DNAH11: variants seen among roughly 807,000 people sequenced by gnomAD.
The protein encoded by DNAH11 is axonemal beta dynein heavy chain 11.
A neutral mutation model predicts 526.0 loss-of-function variants in DNAH11; 442 were observed. The observed-to-expected ratio is 0.84, with a 90% CI of 0.78 to 0.91. The LOEUF (loss-of-function observed/expected upper bound fraction) is 0.91, where lower values mean the gene tolerates loss of function less well. DNAH11 is among the 40% of genes least tolerant of loss of function. DNAH11 has a pLI of 0.00. For synonymous variants in DNAH11, 2,461 were observed against 1,935.9 expected, an observed-to-expected ratio of 1.27 and a Z score of -7.12; for missense variants, 6,989 against 5,448.7, an observed-to-expected ratio of 1.28 and a Z score of -8.90.
At chr7:21,712,350 A>G (rs1053865156) in intron 42 of DNAH11, among the ~76,000 whole-genome samples, 2 of 152,242 alleles carry the variant, frequency 1.3e-5, no homozygotes, top group African/African-American at 4.8e-5. Context: ...ATGGGTATAC[A>G]AATATCTCTT....
rs1193712251 is a variant in DNAH11, at chr7:21,605,202, C to G, written c.3649-1224C>G. Among the ~76,000 whole-genome samples, 3 of 152,326 alleles carry G rather than the reference C, an allele frequency of 2.0e-5. No individual in the cohort carries two copies. In the South Asian group the frequency reaches 6.2e-4, roughly 32 times the overall value. On this transcript the variant is annotated intron_variant, in intron 18 of 81. Coordinates refer to ENST00000409508, the MANE Select transcript of DNAH11 (RefSeq NM_001277115.2). ...TGCGTTTTTCCATAACTGGCAGTTA[C>G]TGAATCGTTCATCAAATATTTACTG...
At chr7:21,757,293 G>A (rs1289276797) in intron 54 of DNAH11, among the ~76,000 whole-genome samples, 2 of 152,118 alleles carry the variant, frequency 1.3e-5, no homozygotes, top group Non-Finnish European at 2.9e-5. Context: ...ATTTATTTAT[G>A]CAATGGGAAT....
At chr7:21,891,854 C>T (rs1032589475) in intron 76 of DNAH11, among the ~76,000 whole-genome samples, 1 of 152,072 alleles carries the variant, frequency 6.6e-6, no homozygotes, top group Non-Finnish European at 1.5e-5. Flanking sequence ...TACTTATATA[C>T]ACACACATTT....
chr7:21,710,239 A>G (rs527339766), intron 40 of DNAH11, among the ~76,000 whole-genome samples: 4 of 152,292 alleles, frequency 2.6e-5, no homozygotes, highest in Non-Finnish European at 5.9e-5. Context: ...AGTTGGTGTA[A>G]GTTTTGAGTT....
At chr7:21,691,167 A>ATTT (rs939874805) in intron 35 of DNAH11, among the ~76,000 whole-genome samples, 1 of 121,868 alleles carries the variant, frequency 8.2e-6, no homozygotes, top group East Asian at 2.7e-4. Flanking sequence ...ATCTTTCATA[A>ATTT]TTTTTTTTTT....
intron 62 of DNAH11, among the ~76,000 whole-genome samples, chr7:21,805,548 C>G (rs1378217376): frequency 6.6e-6 from 1 of 152,094 alleles, no homozygotes; most frequent in African/African-American, 2.4e-5. Context: ...AAAACTACTT[C>G]CATTTAAAGT....
chr7:21,663,190 A>G (rs1159136757), intron 30 of DNAH11, among the ~76,000 whole-genome samples: 9 of 152,182 alleles, frequency 5.9e-5, no homozygotes. Context: ...AGTCCATTGT[A>G]TATATATGTC....
intron 35 of DNAH11, among the ~76,000 whole-genome samples, chr7:21,692,083 G>A (rs1189580812): frequency 6.6e-6 from 1 of 152,022 alleles, no homozygotes; most frequent in African/African-American, 2.4e-5. Flanking sequence ...ACTTCATTCA[G>A]GTATCATTTT....
intron 70 of DNAH11, among the ~76,000 whole-genome samples, chr7:21,866,254 C>T (rs1783271632): frequency 6.6e-6 from 1 of 151,320 alleles, no homozygotes; most frequent in African/African-American, 2.4e-5. Context: ...GTTGGCCAAA[C>T]CCAACTAGGT....
At chr7:21,577,382 G>A (rs1784136281) in intron 8 of DNAH11, among the ~76,000 whole-genome samples, 1 of 152,162 alleles carries the variant, frequency 6.6e-6, no homozygotes. Context: ...CTGGGGTGAT[G>A]TCAGAGATGA....
At chr7:21,663,612 A>C (rs534461034) in intron 30 of DNAH11, among the ~76,000 whole-genome samples, 1 of 151,976 alleles carries the variant, frequency 6.6e-6, no homozygotes, top group African/African-American at 2.4e-5. Flanking sequence ...GTTTTTGTAT[A>C]ACTTCTTTTG....
rs765504524 is a variant in DNAH11, at chr7:21,711,878, T to G, written c.6983+18T>G. On this transcript the variant is annotated intron_variant, in intron 42 of 81. Coordinates refer to ENST00000409508, the MANE Select transcript of DNAH11 (RefSeq NM_001277115.2). ...TGGAATCCGTGAGTATTTCTTTTTG[T>G]TTTATTGTAGTAAATTGTATGTAAC... 8.9e-5 allele frequency: 141 copies of G among 1,589,136 alleles called. No homozygotes were observed. Among genetic ancestry groups the G allele is most frequent in the Non-Finnish European group, 1.2e-4 (139 of 1,166,436 alleles).
At chr7:21,811,519 C>T (rs1187373897) in intron 63 of DNAH11, among the ~76,000 whole-genome samples, 1 of 151,704 alleles carries the variant, frequency 6.6e-6, no homozygotes, top group African/African-American at 2.4e-5. Context: ...CTAGAGCATT[C>T]ACATTCACAG....
At chr7:21,701,450 C>A (rs764669608) in intron 36 of DNAH11, among the ~76,000 whole-genome samples, 3 of 152,072 alleles carry the variant, frequency 2.0e-5, no homozygotes, top group Non-Finnish European at 4.4e-5. Flanking sequence ...CCATCACGCC[C>A]AGCTAATTTT....
chr7:21,834,378 C>T (rs912323523), intron 65 of DNAH11, among the ~76,000 whole-genome samples: 8 of 151,910 alleles, frequency 5.3e-5, no homozygotes, highest in East Asian at 1.9e-4. Context: ...ATTCCTACAT[C>T]GAAAAATTGA....
At chr7:21,618,457 G>C (rs1785884577) in intron 23 of DNAH11, 1 of 152,560 alleles carries the variant, frequency 6.6e-6, no homozygotes, top group Non-Finnish European at 1.5e-5. Flanking sequence ...ACTTACAGGA[G>C]ACATGAGTGA....
intron 25 of DNAH11, among the ~76,000 whole-genome samples, chr7:21,628,884 C>A (rs1397026865): frequency 6.6e-6 from 1 of 151,854 alleles, no homozygotes; most frequent in Non-Finnish European, 1.5e-5. Flanking sequence ...TGTATTTTTT[C>A]TTCAGTTTTA....
intron 30 of DNAH11, among the ~76,000 whole-genome samples, chr7:21,659,891 A>T (rs1217812296): frequency 2.6e-5 from 4 of 152,108 alleles, no homozygotes; most frequent in Non-Finnish European, 5.9e-5. Context: ...AGTGTGGATT[A>T]TTCCTTTTAA....
intron 79 of DNAH11, among the ~76,000 whole-genome samples, chr7:21,898,936 C>A (rs1784631712): frequency 6.6e-6 from 1 of 152,202 alleles, no homozygotes; most frequent in Non-Finnish European, 1.5e-5. Context: ...GTCTTGTAAC[C>A]ACCATCACAG....
Sources: allele counts gnomAD v4.1 joint callset (sites outside exome capture counted in the v4.1 genomes callset), GRCh38; gene constraint gnomAD v4.1.1; transcripts MANE v1.5; gene names NCBI Gene and HGNC (gene_info 2026-07-23, HGNC 2026-07-21).